The following GHR variants were observed in gnomAD, a reference collection of about 807,000 sequenced individuals.
GHR encodes the protein GH receptor.
Under a neutral mutation model 67.1 loss-of-function variants are expected in GHR, and 35 were observed. That is an observed-to-expected ratio of 0.52 (90% confidence interval 0.40 to 0.69). GHR has a LOEUF of 0.69. GHR is among the 30% of genes least tolerant of loss of function. The pLI is 0.00. For synonymous variants in GHR, 272 were observed against 269.1 expected (o/e 1.01, Z -0.10); for missense variants, 792 against 764.6 (o/e 1.04, Z -0.42).
intron 3 of GHR, among the ~76,000 whole-genome samples, chr5:42,672,554 T>A (rs924687993): frequency 2.0e-5 from 3 of 152,086 alleles, no homozygotes; most frequent in Admixed American, 6.6e-5. Context: ...CTGGGATAAA[T>A]GTAAATGTCA....
intron 2 of GHR, among the ~76,000 whole-genome samples, chr5:42,582,177 G>A (rs1751210962): frequency 6.6e-6 from 1 of 152,252 alleles, no homozygotes; most frequent in Non-Finnish European, 1.5e-5. Context: ...TGCTGTGGAT[G>A]ACATGTAGAT....
chr5:42,593,141 T>C lies in GHR; in HGVS notation c.70+27197T>C, dbSNP rs148234340. Among the ~76,000 whole-genome samples, 264 of 152,378 alleles carry C rather than the reference T, an allele frequency of 1.7e-3. 1 individual carries two copies. Among genetic ancestry groups the C allele is most frequent in the Non-Finnish European group, 1.9e-3 (132 of 68,040 alleles). On this transcript the variant is annotated intron_variant, in intron 2 of 9. Coordinates refer to ENST00000230882, the MANE Select transcript of GHR (RefSeq NM_000163.5). Reference sequence around the variant, plus strand: ...ATAATCGATTTTTTAAAAAACCTTATAATCAATATTGCATTAAAATTTTCA... The same window carrying C: ...ATAATCGATTTTTTAAAAAACCTTACAATCAATATTGCATTAAAATTTTCA...
intron 6 of GHR, 71 bp from the exon 7 acceptor site, chr5:42,711,136 A>C: frequency 9.3e-7 from 1 of 1,077,566 alleles, no homozygotes; most frequent in Middle Eastern, 2.0e-4. Context: ...AAATGGGAGA[A>C]TACCTGTAGT....
At chr5:42,693,044 C>A (rs1757494058) in intron 4 of GHR, among the ~76,000 whole-genome samples, 1 of 152,018 alleles carries the variant, frequency 6.6e-6, no homozygotes. Flanking sequence ...TACACACATA[C>A]TTACACACAC....
intron 1 of GHR, among the ~76,000 whole-genome samples, chr5:42,537,415 C>T (rs1429148179): frequency 6.6e-6 from 1 of 152,036 alleles, no homozygotes; most frequent in Non-Finnish European, 1.5e-5. Flanking sequence ...CATTTTTGAC[C>T]CAATACTCAT....
intron 4 of GHR, 59 bp downstream of exon 4, chr5:42,689,078 T>C (rs1757298404): frequency 1.5e-5 from 20 of 1,349,464 alleles, no homozygotes; most frequent in Non-Finnish European, 2.1e-5. Context: ...TAAAGTACAC[T>C]GAGTCAGATG....
chr5:42,424,782 G>A lies in GHR; in HGVS notation c.-12+827G>A, dbSNP rs1742776748. ...GGGGCAGGGCACTTGCGAGTGCGTG[G>A]GGAAGTCTATTTGGGGCGAGTGCTT... is the stretch of plus-strand genomic sequence containing the variant. On this transcript the variant is annotated intron_variant, in intron 1 of 9. Transcript: ENST00000230882. The surrounding 1 kb of genome is among the most constrained non-coding windows in gnomAD (Gnocchi z 4.1). 6.6e-6 allele frequency among the ~76,000 whole-genome samples: 1 copy of A among 152,232 alleles called. No individual in the cohort carries two copies. The highest frequency in any genetic ancestry group is 2.1e-4 in the South Asian group (1 of 4,838).
chr5:42,672,207 C>G (rs1203635917), intron 3 of GHR, among the ~76,000 whole-genome samples: 2 of 152,092 alleles, frequency 1.3e-5, no homozygotes, highest in African/African-American at 4.8e-5. Context: ...CAAACTACCT[C>G]TCTTTACTGA....
chr5:42,558,835 A>T (rs990680285), intron 1 of GHR, among the ~76,000 whole-genome samples: 1 of 152,228 alleles, frequency 6.6e-6, no homozygotes, highest in Non-Finnish European at 1.5e-5. Context: ...AATCACATTT[A>T]AAAAATAAGA....
chr5:42,644,677 A>G (rs1754641482), intron 3 of GHR, among the ~76,000 whole-genome samples: 1 of 152,082 alleles, frequency 6.6e-6, no homozygotes, highest in South Asian at 2.1e-4. Flanking sequence ...TTTAGCTTTT[A>G]GAGATACATA....
At chr5:42,514,510 C>T (rs4616905) in intron 1 of GHR, 4,513 of 171,326 alleles carry the variant, frequency 0.026, 229 homozygotes, top group African/African-American at 0.1. Flanking sequence ...TATTGGGATA[C>T]CCTATAACCA....
At chr5:42,706,701 G>A (rs1758192629) in intron 6 of GHR, among the ~76,000 whole-genome samples, 1 of 152,082 alleles carries the variant, frequency 6.6e-6, no homozygotes, top group South Asian at 2.1e-4. Flanking sequence ...TTGCAGGTAT[G>A]AGGCTTTATT....
At chr5:42,481,410 A>G (rs896395768) in intron 1 of GHR, among the ~76,000 whole-genome samples, 6 of 151,972 alleles carry the variant, frequency 3.9e-5, no homozygotes, top group African/African-American at 1.5e-4. Flanking sequence ...CGTTTTCTGT[A>G]TTTCCTGAAT....
intron 1 of GHR, chr5:42,467,373 G>C: frequency 2.1e-6 from 2 of 952,390 alleles, no homozygotes; most frequent in South Asian, 1.3e-5. Context: ...TGCCAGAATC[G>C]TTACAGGCAG....
chr5:42,680,208 G>A (rs549398017), intron 3 of GHR, among the ~76,000 whole-genome samples: 4 of 152,198 alleles, frequency 2.6e-5, no homozygotes, highest in East Asian at 1.9e-4. Context: ...CCTGGCCAAC[G>A]TGCTTATGCA....
intron 1 of GHR, among the ~76,000 whole-genome samples, chr5:42,521,858 T>C (rs1038402224): frequency 6.6e-5 from 10 of 152,158 alleles, no homozygotes; most frequent in African/African-American, 2.4e-4. Context: ...TAGTTCAGGG[T>C]GAAATGTTTT....
At chr5:42,564,892 C>T (rs1417173872) in intron 1 of GHR, among the ~76,000 whole-genome samples, 2 of 152,168 alleles carry the variant, frequency 1.3e-5, no homozygotes, top group Non-Finnish European at 2.9e-5. Context: ...TGCAGCTAAG[C>T]TTTAAAGTAG....
At chr5:42,588,549 A>AAAAAAAAAAAAAAAAAT (rs1250839718) in intron 2 of GHR, among the ~76,000 whole-genome samples, 1 of 150,392 alleles carries the variant, frequency 6.6e-6, no homozygotes, top group Non-Finnish European at 1.5e-5. Context: ...AAAAAAAAAA[A>AAAAAAAAAAAAAAAAAT]AAGTGACCTA....
rs535058948 is a variant in GHR at position 42,423,532 on chromosome 5, C to G, written c.-435C>G. ...TTGGCCCGGGCGGCACTCGGCCTCT[C>G]CGCAGCAGTTCTCGAACTGGCCTCC... is the stretch of plus-strand genomic sequence containing the variant. On this transcript the variant is annotated 5_prime_UTR_variant, in exon 1 of 10. Transcript: ENST00000230882. 1.3e-4 allele frequency among the ~76,000 whole-genome samples: 20 copies of G among 152,348 alleles called. No homozygotes were observed. The highest frequency in any genetic ancestry group is 2.4e-4 in the Non-Finnish European group (16 of 68,036).
Sources: gnomAD v4.1 joint callset for allele counts (sites outside exome capture counted in the v4.1 genomes callset) on GRCh38, gnomAD v4.1.1 for gene constraint, Gnocchi (gnomAD v3.1) non-coding constraint, MANE v1.5 for transcripts, NCBI Gene and HGNC (gene_info 2026-07-23, HGNC 2026-07-21) for gene names.